The following KCNK10 variants were observed in gnomAD, a reference collection of about 807,000 sequenced individuals.
KCNK10 encodes potassium two pore domain channel subfamily K member 10.
In KCNK10, 25 loss-of-function variants were observed where a neutral mutation model predicts 47.7. The ratio of observed to expected loss-of-function variants is 0.52; its 90% confidence interval spans 0.38 to 0.73. The LOEUF (loss-of-function observed/expected upper bound fraction) is 0.73, where lower values mean the gene tolerates loss of function less well. KCNK10 is among the 30% of genes least tolerant of loss of function. The pLI is 0.00. For synonymous variants in KCNK10, 303 were observed against 285.6 expected, an observed-to-expected ratio of 1.06 and a Z score of -0.61; for missense variants, 563 against 714.5, an observed-to-expected ratio of 0.79 and a Z score of 2.42.
chr14:88,326,530 G>C (rs1207769125), upstream of KCNK10: 19 of 1,187,762 alleles, frequency 1.6e-5, no homozygotes, highest in Middle Eastern at 2.1e-4. Flanking sequence ...TGCTTCAGGC[G>C]GGTTAAGTCT....
chr14:88,312,986 G>C (rs1376616056), intron 1 of KCNK10, among the ~76,000 whole-genome samples: 1 of 152,146 alleles, frequency 6.6e-6, no homozygotes, highest in Admixed American at 6.6e-5. Flanking sequence ...GAAAATGCAG[G>C]CTTAAACAAA....
chr14:88,272,117 C>G (rs1411700148), intron 1 of KCNK10, among the ~76,000 whole-genome samples: 1 of 152,096 alleles, frequency 6.6e-6, no homozygotes, highest in African/African-American at 2.4e-5. Flanking sequence ...AAAAGACAGT[C>G]CCTTCTCCAA....
At chr14:88,205,542 C>CTTTTCT in intron 4 of KCNK10, among the ~76,000 whole-genome samples, 1 of 115,780 alleles carries the variant, frequency 8.6e-6, no homozygotes, top group Non-Finnish European at 1.7e-5. Flanking sequence ...CTTTTCTTTT[C>CTTTTCT]TTTTTTTTTT....
chr14:88,275,377 C>T (rs979209023), intron 1 of KCNK10, among the ~76,000 whole-genome samples: 1 of 152,110 alleles, frequency 6.6e-6, no homozygotes, highest in African/African-American at 2.4e-5. Context: ...ACACACAACC[C>T]AGCCAAGACC....
intron 2 of KCNK10, among the ~76,000 whole-genome samples, chr14:88,250,479 G>C (rs1337372247): frequency 1.3e-5 from 2 of 152,172 alleles, no homozygotes; most frequent in Non-Finnish European, 2.9e-5. Flanking sequence ...CCTGCTGCCT[G>C]AGCTGCTACC....
At chr14:88,202,481 A>G (rs1180871399) in intron 4 of KCNK10, among the ~76,000 whole-genome samples, 1 of 152,226 alleles carries the variant, frequency 6.6e-6, no homozygotes, top group Admixed American at 6.5e-5. Context: ...TTTCCCAGCC[A>G]TAAAGACATA....
chr14:88,199,750 C>G (rs1885039334), intron 4 of KCNK10, among the ~76,000 whole-genome samples: 1 of 152,174 alleles, frequency 6.6e-6, no homozygotes, highest in Non-Finnish European at 1.5e-5. Context: ...ATGAGTAGCC[C>G]AGAGGCTACT....
At chr14:88,246,979 A>G (rs1886661755) in intron 2 of KCNK10, among the ~76,000 whole-genome samples, 1 of 152,166 alleles carries the variant, frequency 6.6e-6, no homozygotes. Flanking sequence ...AGCCCTGGTG[A>G]GGACCTAGTA....
intron 1 of KCNK10, among the ~76,000 whole-genome samples, chr14:88,267,618 C>T (rs532943881): frequency 5.9e-5 from 9 of 152,142 alleles, no homozygotes; most frequent in East Asian, 1.9e-4. Flanking sequence ...GTGATCTGCC[C>T]GCCTCAGCCT....
In KCNK10 at chr14:88,323,037, G is replaced by T; in HGVS notation, c.-239C>A. 3.0e-6 allele frequency: 4 copies of T among 1,335,154 alleles called. No individual in the cohort carries two copies. Among genetic ancestry groups the T allele is most frequent in the Non-Finnish European group, 2.9e-6 (3 of 1,040,602 alleles). 82.7% of individuals were successfully genotyped at this position (1,335,154 alleles called of 1,614,324 possible). On this transcript the variant is annotated 5_prime_UTR_variant, in exon 1 of 7. Coordinates refer to ENST00000319231, the MANE Select transcript of KCNK10 (RefSeq NM_138317.3). ...GGGGTGGCCGGCCGCGGCCCCGTGG[G>T]TAAAAGAAAAAGTAAGATCGGCGAG...
chr14:88,264,367 A>G (rs1244415105), intron 1 of KCNK10, among the ~76,000 whole-genome samples: 1 of 152,220 alleles, frequency 6.6e-6, no homozygotes, highest in African/African-American at 2.4e-5. Flanking sequence ...GCAACAACGA[A>G]CAGCCACTGC....
Position 88,183,830 on chromosome 14 carries a change from C to A in KCNK10, c.*1705G>T, listed in dbSNP as rs1010226487. The A allele has an allele frequency of 6.6e-6, 1 of 152,390 alleles. No individual in the cohort carries two copies. The highest frequency in any genetic ancestry group is 2.4e-5 in the African/African-American group (1 of 41,454). The allele number at this position is 152,390 out of a possible 1,614,324, so 9.4% of individuals were successfully genotyped here. A position where few individuals can be genotyped will look rare whatever the true frequency, so the allele number is the denominator to read the frequency against. On this transcript the variant is annotated 3_prime_UTR_variant, in exon 7 of 7. Transcript: ENST00000319231. ...GTGGTTGAGGATGTCGTGGGTACAA[C>A]TTTCCCTGGAGGTCAGAAAGCATGA...
intron 1 of KCNK10, among the ~76,000 whole-genome samples, chr14:88,288,369 G>A (rs1273816779): frequency 6.6e-6 from 1 of 152,112 alleles, no homozygotes; most frequent in Non-Finnish European, 1.5e-5. Flanking sequence ...TCAATTCATG[G>A]TACTGCTATT....
At chr14:88,221,342 T>G (rs996982821) in intron 4 of KCNK10, among the ~76,000 whole-genome samples, 1 of 139,372 alleles carries the variant, frequency 7.2e-6, no homozygotes, top group Non-Finnish European at 1.5e-5. Context: ...TTACACATTA[T>G]ACATTAAATC....
At chr14:88,298,843 AC>A (rs1233634679) in intron 1 of KCNK10, among the ~76,000 whole-genome samples, 2 of 151,758 alleles carry the variant, frequency 1.3e-5, no homozygotes, top group Non-Finnish European at 2.9e-5. Flanking sequence ...CTTCCTTTCC[AC>A]CTTCATGCCC....
Position 88,323,234 on chromosome 14 carries a change from A to G in KCNK10, c.-436T>C. 1 of 1,009,062 alleles carries G rather than the reference A, an allele frequency of 9.9e-7. No homozygotes were observed. The highest frequency in any genetic ancestry group is 1.7e-5 in the African/African-American group (1 of 57,800). The allele number at this position is 1,009,062 out of a possible 1,614,324, so 62.5% of individuals were successfully genotyped here. ...GGCGTGTGCGCACACACTCCCGCAC[A>G]CACACACCCGCACACACACTCCCGG... is the stretch of plus-strand genomic sequence containing the variant. On this transcript the variant is annotated 5_prime_UTR_variant, in exon 1 of 7. Coordinates refer to ENST00000319231, the MANE Select transcript of KCNK10 (RefSeq NM_138317.3).
At position 88,263,494 on chromosome 14, in the gene KCNK10, G is replaced by A; in HGVS notation, c.110C>T (p.Pro37Leu). ...AGTTGGAGTCGGAGCCGGAGCCGGG[G>A]GTTGCCCGTTAGTGGCGCTCTTGGG... is the stretch of plus-strand genomic sequence containing the variant. ...CQPKSATNGQ[P>L]PAPAPTPTPR... is the part of the protein sequence containing the mutation. The change falls in exon 2 of 7, where the codon CCC becomes CTC. Residue 37 changes from proline (P) to leucine (L), a missense_variant. By Grantham distance (98) the Pro-to-Leu change is moderately conservative. Transcript: ENST00000319231. 1 of 1,613,740 alleles carries A rather than the reference G, an allele frequency of 6.2e-7. No homozygotes were observed. The highest frequency in any genetic ancestry group is 8.5e-7 in the Non-Finnish European group (1 of 1,180,024).
intron 4 of KCNK10, among the ~76,000 whole-genome samples, chr14:88,223,039 C>G (rs531211127): frequency 6.6e-6 from 1 of 152,306 alleles, no homozygotes; most frequent in South Asian, 2.1e-4. Context: ...GTGCTTAAAA[C>G]TCTGACAAAC....
intron 4 of KCNK10, among the ~76,000 whole-genome samples, chr14:88,210,649 G>A (rs535676989): frequency 6.6e-6 from 1 of 152,296 alleles, no homozygotes; most frequent in African/African-American, 2.4e-5. Context: ...CAGGGACACA[G>A]CTGTAGGTTA....
Sources: gnomAD v4.1 joint callset for allele counts (sites outside exome capture counted in the v4.1 genomes callset) on GRCh38, gnomAD v4.1.1 for gene constraint, MANE v1.5 for transcripts, NCBI Gene and HGNC (gene_info 2026-07-23, HGNC 2026-07-21) for gene names.